OTUD7B: variants seen among roughly 807,000 people sequenced by gnomAD.
OTUD7B encodes OTU domain-containing protein 7B.
Under a neutral mutation model 82.2 loss-of-function variants are expected in OTUD7B, and 34 were observed. The ratio of observed to expected loss-of-function variants is 0.41; its 90% CI spans 0.31 to 0.55. The LOEUF (loss-of-function observed/expected upper bound fraction) is 0.55, where lower values mean the gene tolerates loss of function less well. Among genes scored for constraint, OTUD7B ranks in the 20% least tolerant of loss-of-function variants. OTUD7B has a pLI of 0.20. For missense variants in OTUD7B, 944 were observed against 1,062.1 expected (o/e 0.89, Z 1.55); for synonymous variants, 398 against 402.7 (o/e 0.99, Z 0.14).
At chr1:150,007,665 C>G (rs1652754717) in intron 1 of OTUD7B, among the ~76,000 whole-genome samples, 2 of 152,172 alleles carry the variant, frequency 1.3e-5, no homozygotes, top group African/African-American at 4.8e-5. Context: ...TCAATCATTA[C>G]TCAGCAAGGA....
chr1:149,955,007 T>C (rs1648558336), intron 7 of OTUD7B, among the ~76,000 whole-genome samples: 1 of 152,064 alleles, frequency 6.6e-6, no homozygotes, highest in Admixed American at 6.6e-5. Context: ...CCTGGATTCA[T>C]TGATTTTTTG....
chr1:149,972,387 A>G (rs1650001498), intron 2 of OTUD7B, among the ~76,000 whole-genome samples: 1 of 152,158 alleles, frequency 6.6e-6, no homozygotes, highest in Non-Finnish European at 1.5e-5. Flanking sequence ...AGAACATGCT[A>G]AGTCCACTCT....
At chr1:150,021,997 C>G in the OTUD7B span, among the ~76,000 whole-genome samples, 1 of 152,134 alleles carries the variant, frequency 6.6e-6, no homozygotes, top group Non-Finnish European at 1.5e-5. Context: ...TTCTCTCTCT[C>G]CTTAATCATT....
intron 7 of OTUD7B, among the ~76,000 whole-genome samples, chr1:149,952,679 G>A (rs930268524): frequency 3.3e-4 from 50 of 152,200 alleles, no homozygotes; most frequent in African/African-American, 1.0e-3. Flanking sequence ...GTGTAAAAGT[G>A]TTCCTATTTC....
chr1:149,959,494 A>C lies in OTUD7B; in HGVS notation c.845+190T>G, dbSNP rs76260774. 9.0e-4 allele frequency among the ~76,000 whole-genome samples: 137 copies of C among 152,266 alleles called. 3 individuals are homozygous for C. The East Asian group carries it at 0.023, about 25-fold the overall frequency. On this transcript the variant is annotated intron_variant, in intron 7 of 11. Transcript: ENST00000581312. ...CCAAAGTCTAGATGGGCTACTTTAT[A>C]TTCCAGTTCAATACCGAACTACCTG... is the stretch of plus-strand genomic sequence containing the variant.
the OTUD7B span, among the ~76,000 whole-genome samples, chr1:150,041,585 C>T: frequency 5.5e-3 from 844 of 152,300 alleles, 5 homozygotes; most frequent in African/African-American, 0.019. Context: ...CCACCCACCT[C>T]GGCCTCCCAA....
At chr1:150,056,138 A>G in the OTUD7B span, among the ~76,000 whole-genome samples, 1 of 152,210 alleles carries the variant, frequency 6.6e-6, no homozygotes, top group East Asian at 1.9e-4. Flanking sequence ...ATTTTCTAGT[A>G]CTTACTTCAT....
At chr1:150,051,534 G>T in the OTUD7B span, among the ~76,000 whole-genome samples, 1 of 151,900 alleles carries the variant, frequency 6.6e-6, no homozygotes, top group African/African-American at 2.4e-5. Context: ...CACATAAAAA[G>T]GATGTGTACA....
intron 7 of OTUD7B, among the ~76,000 whole-genome samples, chr1:149,956,202 T>C (rs140709995): frequency 0.049 from 7,429 of 152,260 alleles, 217 homozygotes; most frequent in Non-Finnish European, 0.072. Flanking sequence ...TTAGTGCTTC[T>C]TTCAGGAGCT....
the OTUD7B span, among the ~76,000 whole-genome samples, chr1:150,020,963 C>T: frequency 1.3e-5 from 2 of 152,210 alleles, no homozygotes; most frequent in Non-Finnish European, 2.9e-5. Flanking sequence ...CAGCGCCTTC[C>T]ACCTTTTCTC....
chr1:149,998,887 A>T (rs1220158271), intron 1 of OTUD7B, among the ~76,000 whole-genome samples: 3 of 152,218 alleles, frequency 2.0e-5, no homozygotes, highest in African/African-American at 4.8e-5. Flanking sequence ...TTTCAGTTCT[A>T]AAATGCTATA....
intron 1 of OTUD7B, among the ~76,000 whole-genome samples, chr1:149,985,233 C>A (rs587692112): frequency 5.9e-5 from 9 of 152,150 alleles, no homozygotes; most frequent in African/African-American, 1.9e-4. Flanking sequence ...CATGGTGAAA[C>A]CCCATCTCTG....
At chr1:150,011,836 T>A (rs1244285008), upstream of OTUD7B, among the ~76,000 whole-genome samples, 1 of 152,258 alleles carries the variant, frequency 6.6e-6, no homozygotes, top group Non-Finnish European at 1.5e-5. Flanking sequence ...AGTCAACTTT[T>A]CTTTCCCCTC....
Position 149,965,790 on chromosome 1 carries a change from A to G in OTUD7B, c.591T>C (p.His197=), listed in dbSNP as rs782661762. 1.5e-5 allele frequency: 25 copies of G among 1,613,102 alleles called. No homozygotes were observed. The highest frequency in any genetic ancestry group is 3.3e-5 in the Admixed American group (2 of 59,974). ...ATTGDGNCLL[H]AASLGMWGFH... The stretch of plus-strand genomic sequence containing the variant: ...TTCAAGACTCACCAAGGGAGGCTGC[A>G]TGCAGGAGGCAGTTCCCATCTCCAG... Residue 197 remains histidine, a synonymous_variant, in exon 5 of 12, where the codon CAT becomes CAC. Coordinates refer to ENST00000581312, the MANE Select transcript of OTUD7B (RefSeq NM_020205.4).
intron 1 of OTUD7B, among the ~76,000 whole-genome samples, chr1:149,981,686 TG>T (rs1553779681): frequency 6.6e-6 from 1 of 152,248 alleles, no homozygotes; most frequent in African/African-American, 2.4e-5. Flanking sequence ...CATAAATATT[TG>T]TGCTGACCTC....
chr1:150,063,656 T>C, the OTUD7B span, among the ~76,000 whole-genome samples: 1 of 152,238 alleles, frequency 6.6e-6, no homozygotes, highest in Non-Finnish European at 1.5e-5. Context: ...ATTCTCACTG[T>C]GGCTATTATC....
upstream of OTUD7B, among the ~76,000 whole-genome samples, chr1:150,014,109 A>ATATAT (rs1559875242): frequency 8.6e-3 from 865 of 100,932 alleles, 13 homozygotes; most frequent in African/African-American, 0.02. Context: ...TATATATAGT[A>ATATAT]GGGGCTCAGC....
intron 1 of OTUD7B, among the ~76,000 whole-genome samples, chr1:149,978,252 A>G (rs782311086): frequency 9.9e-5 from 15 of 152,212 alleles, no homozygotes; most frequent in Non-Finnish European, 2.1e-4. Context: ...CACGCCTTTA[A>G]TCTCAGCACT....
In OTUD7B at chr1:149,944,758, C is replaced by G; in HGVS notation, c.1631G>C (p.Gly544Ala). ...CTTCTTCTTCTCCAGTGTCTCAGTGCCGCTGCTTCCTCCCAACCCTGTCCC... is the reference window on the plus strand; with the variant it reads ...CTTCTTCTTCTCCAGTGTCTCAGTGGCGCTGCTTCCTCCCAACCCTGTCCC... Reference protein sequence around the residue: ...GVGTGLGGSSGTETLEKKKKN... With the variant: ...GVGTGLGGSSATETLEKKKKN... The change falls in exon 12 of 12, where the codon GGC (glycine) becomes GCC (alanine). Residue 544 changes from glycine to alanine, a missense_variant. This residue lies in a region of OTUD7B where 412 missense variants were observed against 418.7 expected (regional missense o/e 0.98). Transcript: ENST00000581312. The G allele has an allele frequency of 1.2e-6, 2 of 1,614,010 alleles. No homozygotes were observed. The highest frequency in any genetic ancestry group is 2.2e-5 in the South Asian group (2 of 91,070).
Sources: allele counts gnomAD v4.1 joint callset (sites outside exome capture counted in the v4.1 genomes callset), GRCh38; gene constraint gnomAD v4.1.1; regional missense constraint gnomAD v4.1.1; transcripts MANE v1.5; gene names NCBI Gene and HGNC (gene_info 2026-07-23, HGNC 2026-07-21).